The following DLC1 variants were observed in gnomAD, a reference collection of about 807,000 sequenced individuals.
The protein encoded by DLC1 is rho GTPase-activating protein 7.
A neutral mutation model predicts 140.3 loss-of-function variants in DLC1; 54 were observed. The ratio of observed to expected loss-of-function variants is 0.38; its 90% CI spans 0.31 to 0.48. The LOEUF (loss-of-function observed/expected upper bound fraction) is 0.48, where lower values mean the gene tolerates loss of function less well. DLC1 is among the 20% of genes least tolerant of loss of function. The probability of loss-of-function intolerance (pLI) is 0.96; values close to 1 mark genes in which losing one functional copy is unlikely to be tolerated. For synonymous variants in DLC1, 986 were observed against 728.1 expected (o/e 1.35, Z -5.70); for missense variants, 2,536 against 1,907.0 (o/e 1.33, Z -6.14).
chr8:13,354,238 C>A (rs972419305), intron 4 of DLC1, among the ~76,000 whole-genome samples: 8 of 152,154 alleles, frequency 5.3e-5, no homozygotes, highest in Non-Finnish European at 1.2e-4. Context: ...GGAAGCCTTT[C>A]ATGGCCTTCT....
chr8:13,591,686 A>G (rs768384187), intron 1 of DLC1, among the ~76,000 whole-genome samples: 4 of 152,108 alleles, frequency 2.6e-5, no homozygotes, highest in Non-Finnish European at 5.9e-5. Context: ...CTTATTGGTA[A>G]CAGTAAAGTT....
At chr8:13,122,048 G>T (rs1311921381) in intron 5 of DLC1, among the ~76,000 whole-genome samples, 1 of 152,024 alleles carries the variant, frequency 6.6e-6, no homozygotes, top group East Asian at 1.9e-4. Flanking sequence ...TATCCTAACA[G>T]CCTCCTCACG....
intron 5 of DLC1, among the ~76,000 whole-genome samples, chr8:13,208,356 C>A (rs1827773008): frequency 6.6e-6 from 1 of 152,050 alleles, no homozygotes; most frequent in African/African-American, 2.4e-5. Context: ...AGAAACACAG[C>A]CAAAGATTTT....
chr8:13,145,845 C>T (rs766601292), intron 5 of DLC1, among the ~76,000 whole-genome samples: 64 of 152,256 alleles, frequency 4.2e-4, no homozygotes, highest in Non-Finnish European at 6.6e-4. Flanking sequence ...ATGATTTCCT[C>T]TGACGCAAGC....
At chr8:13,345,325 A>C (rs1343499576) in intron 4 of DLC1, among the ~76,000 whole-genome samples, 1 of 152,114 alleles carries the variant, frequency 6.6e-6, no homozygotes, top group Non-Finnish European at 1.5e-5. Context: ...AAGAGAGTCG[A>C]TTCAATTCCC....
At chr8:13,599,040 G>A (rs936064986) in intron 1 of DLC1, among the ~76,000 whole-genome samples, 4 of 151,552 alleles carry the variant, frequency 2.6e-5, no homozygotes, top group Non-Finnish European at 1.5e-5. Context: ...AAAGAAGAAC[G>A]CAAAAGGAAG....
chr8:13,382,228 C>T (rs1008619087), intron 4 of DLC1, among the ~76,000 whole-genome samples: 1 of 151,970 alleles, frequency 6.6e-6, no homozygotes, highest in East Asian at 1.9e-4. Context: ...AAAGAGGAGG[C>T]CGGGCGCGGT....
chr8:13,577,329 C>A (rs1057442756), intron 1 of DLC1, among the ~76,000 whole-genome samples: 1 of 152,158 alleles, frequency 6.6e-6, no homozygotes, highest in Non-Finnish European at 1.5e-5. Context: ...CATCTAATTA[C>A]AGCTTATTAT....
rs764219984 is a variant in DLC1 at position 13,499,849 on chromosome 8, C to A, written c.223G>T (p.Gly75Trp). 6.8e-6 allele frequency: 11 copies of A among 1,613,940 alleles called. No individual in the cohort carries two copies. Residue 75 changes from glycine to tryptophan, a missense_variant, in exon 2 of 18, where the codon GGG becomes TGG. Physicochemically the swap from Gly to Trp is radical, Grantham distance 184 (BLOSUM62 -2). Coordinates refer to ENST00000276297, the MANE Select transcript of DLC1 (RefSeq NM_182643.3). The stretch of plus-strand genomic sequence containing the variant: ...TTTGAAAGATGACCCATTGGCCTCC[C>A]AGGAAAATCTCTCAGCTCTGATCCA... ...CHGSELRDFPGRPMGHLSKDV... is the reference protein window; with the variant it reads ...CHGSELRDFPWRPMGHLSKDV...
chr8:13,269,410 A>G (rs570596936), intron 5 of DLC1, among the ~76,000 whole-genome samples: 1 of 152,314 alleles, frequency 6.6e-6, no homozygotes, highest in Non-Finnish European at 1.5e-5. Context: ...ACTCCAGCAC[A>G]TGCCAACTGA....
chr8:13,349,683 G>C (rs566503769), intron 4 of DLC1, among the ~76,000 whole-genome samples: 128 of 152,286 alleles, frequency 8.4e-4, no homozygotes, highest in African/African-American at 2.7e-3. Flanking sequence ...TAACACGAAA[G>C]GATTTGTTGC....
intron 2 of DLC1, among the ~76,000 whole-genome samples, chr8:13,481,634 C>T (rs11780801): frequency 0.028 from 4,243 of 152,158 alleles, 74 homozygotes; most frequent in Non-Finnish European, 0.034. Flanking sequence ...TTTACAGCCC[C>T]GTTGTACTGT....
intron 2 of DLC1, among the ~76,000 whole-genome samples, chr8:13,437,033 T>G (rs1029538055): frequency 8.5e-5 from 13 of 152,236 alleles, no homozygotes; most frequent in African/African-American, 2.7e-4. Context: ...TTAAAATAGT[T>G]CTCAGTCATC....
At chr8:13,133,825 G>T (rs1240723747) in intron 5 of DLC1, among the ~76,000 whole-genome samples, 3 of 152,084 alleles carry the variant, frequency 2.0e-5, no homozygotes, top group African/African-American at 4.8e-5. Context: ...GGAGAGGAAG[G>T]GATGGTCAGT....
At chr8:13,505,181 T>G (rs1028734683) in intron 1 of DLC1, among the ~76,000 whole-genome samples, 11 of 152,144 alleles carry the variant, frequency 7.2e-5, no homozygotes, top group African/African-American at 2.4e-4. Flanking sequence ...TTTTTTCATG[T>G]AGTCAAAATA....
At chr8:13,349,772 C>G (rs1236004624) in intron 4 of DLC1, among the ~76,000 whole-genome samples, 1 of 152,142 alleles carries the variant, frequency 6.6e-6, no homozygotes, top group African/African-American at 2.4e-5. Context: ...AAGTGAATTG[C>G]TAGATTAGGC....
chr8:13,149,245 G>A (rs777134988), intron 5 of DLC1, among the ~76,000 whole-genome samples: 5 of 152,042 alleles, frequency 3.3e-5, no homozygotes, highest in Non-Finnish European at 5.9e-5. Context: ...TCCCACCCTG[G>A]AATCAAGCTC....
chr8:13,324,814 C>A (rs1833271732), intron 4 of DLC1, among the ~76,000 whole-genome samples: 1 of 151,996 alleles, frequency 6.6e-6, no homozygotes, highest in African/African-American at 2.4e-5. Context: ...AACCAAAATG[C>A]AATTGTATTT....
chr8:13,085,053 T>C lies in DLC1; in HGVS notation c.*758A>G, dbSNP rs1817441666. ...TCCATACTGGTTAAAACTACATCAC[T>C]ATTTGCAATCGGGTCTAAAAATAAA... On this transcript the variant is annotated 3_prime_UTR_variant, in exon 18 of 18. Transcript: ENST00000276297. 1 of 152,218 alleles carries C rather than the reference T, an allele frequency of 6.6e-6. No homozygotes were observed. The highest frequency in any genetic ancestry group is 2.4e-5 in the African/African-American group (1 of 41,454). 9.4% of individuals were successfully genotyped at this position (152,218 alleles called of 1,614,324 possible).
Sources: gnomAD v4.1 joint callset for allele counts (sites outside exome capture counted in the v4.1 genomes callset) on GRCh38, gnomAD v4.1.1 for gene constraint, MANE v1.5 for transcripts, NCBI Gene and HGNC (gene_info 2026-07-23, HGNC 2026-07-21) for gene names.